The following MAP3K13 variants were observed in gnomAD, a reference collection of about 807,000 sequenced individuals.
MAP3K13 encodes the protein leucine zipper-bearing kinase.
In MAP3K13, 52 loss-of-function variants were observed where a neutral mutation model predicts 104.0. The ratio of observed to expected loss-of-function variants is 0.50; its 90% CI spans 0.40 to 0.63. MAP3K13 has a LOEUF of 0.63. MAP3K13 is among the 20% of genes least tolerant of loss of function. The pLI, the probability that MAP3K13 is intolerant of heterozygous loss-of-function variation, is 0.00. For synonymous variants in MAP3K13, 394 were observed against 442.2 expected (o/e 0.89, Z 1.37); for missense variants, 914 against 1,218.5 (o/e 0.75, Z 3.72).
At chr3:185,297,734 CAA>C (rs59750658) in intron 2 of MAP3K13, among the ~76,000 whole-genome samples, 964 of 51,348 alleles carry the variant, frequency 0.019, 10 homozygotes, top group African/African-American at 0.046. Flanking sequence ...GACTCCGTCT[CAA>C]AAAAAAAAAA....
intron 10 of MAP3K13, among the ~76,000 whole-genome samples, chr3:185,471,451 CT>C (rs71164510): frequency 0.061 from 4,598 of 74,852 alleles, 76 homozygotes; most frequent in East Asian, 0.27. Context: ...ACGACCTTTA[CT>C]TTTTTTTTTT....
At chr3:185,462,591 G>A (rs1286913700) in intron 7 of MAP3K13, among the ~76,000 whole-genome samples, 1 of 152,060 alleles carries the variant, frequency 6.6e-6, no homozygotes, top group Non-Finnish European at 1.5e-5. Flanking sequence ...TGGACAACAA[G>A]GTGAAATCCC....
chr3:185,373,916 G>A (rs776470393), intron 1 of MAP3K13, among the ~76,000 whole-genome samples: 27 of 151,558 alleles, frequency 1.8e-4, no homozygotes, highest in Non-Finnish European at 3.2e-4. Context: ...GTCAGCAAAG[G>A]GTGGTGGGAT....
chr3:185,344,883 A>ATTTTTTTT (rs147866083), intron 2 of MAP3K13, among the ~76,000 whole-genome samples: 1 of 149,292 alleles, frequency 6.7e-6, no homozygotes. Context: ...TAATCTCATA[A>ATTTTTTTT]TTTATTTTTT....
chr3:185,310,963 C>T (rs1364275654), intron 2 of MAP3K13, among the ~76,000 whole-genome samples: 1 of 152,172 alleles, frequency 6.6e-6, no homozygotes, highest in Non-Finnish European at 1.5e-5. Context: ...CATCCAGGCT[C>T]TATGGTGGAA....
chr3:185,353,614 A>G (rs1723229132), intron 2 of MAP3K13, among the ~76,000 whole-genome samples: 2 of 152,218 alleles, frequency 1.3e-5, no homozygotes, highest in Admixed American at 6.5e-5. Context: ...CATAGTATGG[A>G]CCTGTTTATG....
At chr3:185,460,568 T>G (rs1717040718) in intron 7 of MAP3K13, among the ~76,000 whole-genome samples, 1 of 152,232 alleles carries the variant, frequency 6.6e-6, no homozygotes, top group African/African-American at 2.4e-5. Flanking sequence ...CCATCCTCCC[T>G]TTCTTCATAT....
At chr3:185,335,513 A>G (rs191608318) in intron 2 of MAP3K13, among the ~76,000 whole-genome samples, 70 of 152,300 alleles carry the variant, frequency 4.6e-4, no homozygotes, top group African/African-American at 1.7e-3. Context: ...AAGAGTGACT[A>G]AAGGTGCAAA....
At chr3:185,478,010 GTCTA>G (rs1191573047) in intron 12 of MAP3K13, among the ~76,000 whole-genome samples, 1 of 152,082 alleles carries the variant, frequency 6.6e-6, no homozygotes, top group Non-Finnish European at 1.5e-5. Context: ...TATCTAGAGG[GTCTA>G]TCTAGATACA....
chr3:185,341,455 C>T (rs1303194167), intron 2 of MAP3K13, among the ~76,000 whole-genome samples: 1 of 152,220 alleles, frequency 6.6e-6, no homozygotes, highest in East Asian at 1.9e-4. Flanking sequence ...GTTCTAGCCT[C>T]TAGAACTGTA....
At chr3:185,371,282 G>A (rs1724144694) in intron 1 of MAP3K13, among the ~76,000 whole-genome samples, 1 of 152,150 alleles carries the variant, frequency 6.6e-6, no homozygotes, top group African/African-American at 2.4e-5. Flanking sequence ...CAAGAGGGCT[G>A]ATGTCTAGTC....
chr3:185,382,894 G>T (rs1027354257), intron 1 of MAP3K13, among the ~76,000 whole-genome samples: 3 of 152,038 alleles, frequency 2.0e-5, no homozygotes, highest in Admixed American at 6.5e-5. Flanking sequence ...AAGTTTTAGG[G>T]TACATGTGCT....
chr3:185,422,685 AG>A (rs1479724955), intron 1 of MAP3K13, among the ~76,000 whole-genome samples: 4 of 152,230 alleles, frequency 2.6e-5, no homozygotes, highest in African/African-American at 9.6e-5. Flanking sequence ...AAATCACACA[AG>A]TAAGTGTTTG....
chr3:185,335,369 G>A (rs1722446921), intron 2 of MAP3K13, among the ~76,000 whole-genome samples: 1 of 151,994 alleles, frequency 6.6e-6, no homozygotes, highest in African/African-American at 2.4e-5. Context: ...TCAACAACTC[G>A]AGTAAAGAAA....
chr3:185,363,401 CA>C lies in MAP3K13; in HGVS notation c.-86+34del, dbSNP rs1366431878. 4 of 943,100 alleles carry C rather than the reference CA, an allele frequency of 4.2e-6. No homozygotes were observed. The South Asian group carries it at 2.0e-4, about 46-fold the overall frequency. 58.4% of individuals were successfully genotyped at this position (943,100 alleles called of 1,614,324 possible). On this transcript the variant is annotated intron_variant, in intron 1 of 13. Transcript: ENST00000265026. ...TTGCACTCTGTTTTTCCTGTTTCTT[CA>C]GTATTTATTTCACAAGGACAGACAG...
intron 12 of MAP3K13, among the ~76,000 whole-genome samples, chr3:185,478,029 T>C (rs1486246758): frequency 6.6e-6 from 1 of 152,182 alleles, no homozygotes; most frequent in Non-Finnish European, 1.5e-5. Context: ...GATACAATTA[T>C]ATTGGAGTTT....
At chr3:185,374,240 C>T (rs1724308320) in intron 1 of MAP3K13, among the ~76,000 whole-genome samples, 2 of 152,166 alleles carry the variant, frequency 1.3e-5, no homozygotes, top group South Asian at 2.1e-4. Context: ...CCTGACATTC[C>T]TGTCTTCTTA....
At chr3:185,388,176 C>T (rs1422251329) in intron 1 of MAP3K13, among the ~76,000 whole-genome samples, 4 of 150,898 alleles carry the variant, frequency 2.7e-5, no homozygotes, top group Non-Finnish European at 5.9e-5. Flanking sequence ...AGGTAAAAGA[C>T]TTATACAAGA....
chr3:185,364,213 G>C (rs1267530335), intron 1 of MAP3K13, among the ~76,000 whole-genome samples: 1 of 152,188 alleles, frequency 6.6e-6, no homozygotes, highest in Non-Finnish European at 1.5e-5. Context: ...AAGTTGGTTT[G>C]GTAGTTTGCT....
Sources: allele counts gnomAD v4.1 joint callset (sites outside exome capture counted in the v4.1 genomes callset), GRCh38; gene constraint gnomAD v4.1.1; transcripts MANE v1.5; gene names NCBI Gene and HGNC (gene_info 2026-07-23, HGNC 2026-07-21).